ELK3: variants seen among roughly 807,000 people sequenced by gnomAD.
ELK3 encodes the protein ETS transcription factor ELK3.
ELK3 carries 10 observed loss-of-function variants against 28.9 expected under a neutral mutation model. The observed-to-expected ratio is 0.35, with a 90% CI of 0.21 to 0.59. The LOEUF is 0.59. Among genes scored for constraint, ELK3 ranks in the 20% least tolerant of loss-of-function variants. The pLI, the probability that ELK3 is intolerant of heterozygous loss-of-function variation, is 0.82. For synonymous variants in ELK3, 272 were observed against 243.5 expected (o/e 1.12, Z -1.09); for missense variants, 463 against 517.3 (o/e 0.90, Z 1.02).
At chr12:96,233,048 C>A (rs912508928) in intron 2 of ELK3, among the ~76,000 whole-genome samples, 4 of 152,144 alleles carry the variant, frequency 2.6e-5, no homozygotes, top group African/African-American at 9.7e-5. Context: ...TCTTACTGTT[C>A]TTGGCATGGA....
chr12:96,244,005 CAAA>C (rs146090608), intron 2 of ELK3, among the ~76,000 whole-genome samples: 116 of 111,084 alleles, frequency 1.0e-3, no homozygotes, highest in South Asian at 7.0e-3. Context: ...GACTCCATCT[CAAA>C]AAAAAAAAAA....
At chr12:96,246,899 G>A (rs759167550) in intron 2 of ELK3, 41 bp from the exon 3 acceptor site, 18 of 1,542,414 alleles carry the variant, frequency 1.2e-5, no homozygotes, top group East Asian at 4.5e-5. Context: ...ATGGTTTCTC[G>A]GGTGCACTCA....
At position 96,264,964 on chromosome 12, in the gene ELK3, C is replaced by T. The variant is rs1430520393; in HGVS notation, c.1126-2118C>T. On this transcript the variant is annotated intron_variant, in intron 4 of 4. Transcript: ENST00000228741. ...GCTAGTTTATTCAAGATAACACACTCGTAAGTGGTGGAGCCCTGACTCAAG... is the reference window on the plus strand; with the variant it reads ...GCTAGTTTATTCAAGATAACACACTTGTAAGTGGTGGAGCCCTGACTCAAG... Among the ~76,000 whole-genome samples, 6 of 152,272 alleles carry T rather than the reference C, an allele frequency of 3.9e-5. No individual in the cohort carries two copies. The South Asian group carries it at 8.3e-4, about 21-fold the overall frequency.
chr12:96,235,039 G>C (rs997234881), intron 2 of ELK3, among the ~76,000 whole-genome samples: 1 of 152,060 alleles, frequency 6.6e-6, no homozygotes, highest in African/African-American at 2.4e-5. Flanking sequence ...AGTTTGAGTG[G>C]CCCCGGAATA....
At chr12:96,246,158 G>A (rs896029913) in intron 2 of ELK3, among the ~76,000 whole-genome samples, 10 of 152,112 alleles carry the variant, frequency 6.6e-5, no homozygotes, top group African/African-American at 2.4e-4. Flanking sequence ...CTTCTGACTC[G>A]CAGAGGTAGG....
rs777427382 is a variant in ELK3 at position 96,247,257 on chromosome 12, C to A, written c.525C>A (p.Pro175=). 1 of 1,614,102 alleles carries A rather than the reference C, an allele frequency of 6.2e-7. No homozygotes were observed. Among genetic ancestry groups the A allele is most frequent in the Non-Finnish European group, 8.5e-7 (1 of 1,180,052 alleles). Residue 175 remains proline (P), a synonymous_variant, in exon 3 of 5, where the codon CCC becomes CCA. Transcript: ENST00000228741. The surrounding 1 kb of genome is among the most constrained non-coding windows in gnomAD (Gnocchi z 5.5). Reference sequence around the variant, plus strand: ...AGGAGCCGCCCGAAGACAGCCCCCCCGTGGAAGAAGTCAGGACTGTGATCA... The same window carrying A: ...AGGAGCCGCCCGAAGACAGCCCCCCAGTGGAAGAAGTCAGGACTGTGATCA... ...KLEEPPEDSP[P]VEEVRTVIRF...
chr12:96,203,675 T>C (rs1951520901), intron 1 of ELK3, among the ~76,000 whole-genome samples: 1 of 152,136 alleles, frequency 6.6e-6, no homozygotes, highest in Non-Finnish European at 1.5e-5. Flanking sequence ...GCGCGGTGGC[T>C]CACATCTGTA....
At chr12:96,264,952 A>G (rs1282289593) in intron 4 of ELK3, among the ~76,000 whole-genome samples, 1 of 152,210 alleles carries the variant, frequency 6.6e-6, no homozygotes, top group Non-Finnish European at 1.5e-5. Flanking sequence ...AGTTTATTCA[A>G]GATAACACAC....
intron 1 of ELK3, among the ~76,000 whole-genome samples, chr12:96,198,561 T>C (rs1243727678): frequency 6.6e-6 from 1 of 152,220 alleles, no homozygotes; most frequent in African/African-American, 2.4e-5. Context: ...TATCTTTAAT[T>C]CCTCTTTGCC....
rs766374190 is a variant in ELK3 at position 96,247,674 on chromosome 12, C to T, written c.942C>T (p.Ile314=). The change falls in exon 3 of 5, where the codon ATC becomes ATT. Residue 314 remains isoleucine (I), a synonymous_variant. Coordinates refer to ENST00000228741, the MANE Select transcript of ELK3 (RefSeq NM_005230.4). This position sits in a 1 kb window ranked among gnomAD's most constrained non-coding sequence, Gnocchi z 5.5. ...LVLSGTDIGS[I]ALNSPALPSG... is the part of the protein sequence containing the mutation. ...TCTCCGGCACCGACATCGGCTCCAT[C>T]GCCCTCAACAGCCCAGCCCTCCCCT... is the stretch of plus-strand genomic sequence containing the variant. 72 of 1,611,708 alleles carry T rather than the reference C, an allele frequency of 4.5e-5. No homozygotes were observed. Among genetic ancestry groups the T allele is most frequent in the African/African-American group, 1.6e-4 (12 of 74,914 alleles).
intron 1 of ELK3, chr12:96,212,899 C>T (rs1323404869): frequency 6.6e-6 from 1 of 152,098 alleles, no homozygotes; most frequent in Non-Finnish European, 1.5e-5. Context: ...TTTTTCTAGG[C>T]TCTTTAGCTC....
chr12:96,196,269 G>A (rs749267001), intron 1 of ELK3, among the ~76,000 whole-genome samples: 2 of 152,126 alleles, frequency 1.3e-5, no homozygotes, highest in Non-Finnish European at 2.9e-5. Flanking sequence ...GCCTTTTCAG[G>A]ACATGTCTTG....
In ELK3 at chr12:96,267,932, C is replaced by T. The variant is rs186910906; in HGVS notation, c.*752C>T. 1.3e-5 allele frequency: 2 copies of T among 152,426 alleles called. No individual in the cohort carries two copies. Among genetic ancestry groups the T allele is most frequent in the East Asian group, 3.9e-4 (2 of 5,174 alleles). 9.4% of individuals were successfully genotyped at this position (152,426 alleles called of 1,614,324 possible). Reference sequence around the variant, plus strand: ...TCTTATCTTTTAGATGCCTCCCAGACAAAAATCTGAGATGGAAAAGCTACA... The same window carrying T: ...TCTTATCTTTTAGATGCCTCCCAGATAAAAATCTGAGATGGAAAAGCTACA... On this transcript the variant is annotated 3_prime_UTR_variant, in exon 5 of 5. Transcript: ENST00000228741.
intron 4 of ELK3, among the ~76,000 whole-genome samples, 194 bp downstream of exon 4, chr12:96,260,047 T>C (rs1262014253): frequency 6.6e-6 from 1 of 151,994 alleles, no homozygotes; most frequent in African/African-American, 2.4e-5. Flanking sequence ...TGCAGACTCA[T>C]GCCAGACACC....
chr12:96,215,206 A>C (rs1034459133), intron 1 of ELK3, among the ~76,000 whole-genome samples: 2 of 152,120 alleles, frequency 1.3e-5, no homozygotes, highest in Non-Finnish European at 2.9e-5. Flanking sequence ...ACCTCAGTAA[A>C]AATGAAACAA....
chr12:96,242,033 G>A (rs918103403), intron 2 of ELK3, among the ~76,000 whole-genome samples: 1 of 152,204 alleles, frequency 6.6e-6, no homozygotes, highest in African/African-American at 2.4e-5. Flanking sequence ...CTAAAACCAC[G>A]CTGGAGATGC....
chr12:96,201,362 T>A (rs75909067), intron 1 of ELK3, among the ~76,000 whole-genome samples: 12 of 152,056 alleles, frequency 7.9e-5, no homozygotes, highest in African/African-American at 2.9e-4. Context: ...GGCTCACATG[T>A]GTCATCCCAG....
At chr12:96,261,582 A>T (rs1479877502) in intron 4 of ELK3, among the ~76,000 whole-genome samples, 2 of 152,178 alleles carry the variant, frequency 1.3e-5, no homozygotes, top group East Asian at 3.9e-4. Flanking sequence ...TACTACTCTA[A>T]TCCTAGAATC....
chr12:96,223,557 C>CCCTGCAGGTATGGAGAGTGCAAT lies in ELK3; in HGVS notation c.-2-6_15dup. On this transcript the variant is annotated splice_polypyrimidine_tract_variant and splice_region_variant and intron_variant, in intron 1 of 4. Coordinates refer to ENST00000228741, the MANE Select transcript of ELK3 (RefSeq NM_005230.4). ...CAGCAGCTCTGACCTGGCCTCCTCT[C>CCCTGCAGGTATGGAGAGTGCAAT]CCTGCAGGTATGGAGAGTGCAATCA... 1 of 1,613,874 alleles carries CCCTGCAGGTATGGAGAGTGCAAT rather than the reference C, an allele frequency of 6.2e-7. No individual in the cohort carries two copies. The highest frequency in any genetic ancestry group is 8.5e-7 in the Non-Finnish European group (1 of 1,179,920).
Sources: allele counts gnomAD v4.1 joint callset (sites outside exome capture counted in the v4.1 genomes callset), GRCh38; gene constraint gnomAD v4.1.1; non-coding constraint Gnocchi (gnomAD v3.1); transcripts MANE v1.5; gene names NCBI Gene and HGNC (gene_info 2026-07-23, HGNC 2026-07-21).